GTPBP6: variants seen among roughly 807,000 people sequenced by gnomAD.
The protein encoded by GTPBP6 is putative GTP-binding protein 6.
GTPBP6 carries 33 observed loss-of-function variants against 28.9 expected under a neutral mutation model. The observed-to-expected ratio is 1.14, with a 90% CI of 0.87 to 1.53. The LOEUF (loss-of-function observed/expected upper bound fraction) is 1.53, where lower values mean the gene tolerates loss of function less well. Among genes scored for constraint, GTPBP6 ranks in the 40% most tolerant of loss-of-function variants. GTPBP6 has a pLI of 0.00. For synonymous variants in GTPBP6, 231 were observed against 192.7 expected, an observed-to-expected ratio of 1.20 and a Z score of -1.65; for missense variants, 507 against 408.3, an observed-to-expected ratio of 1.24 and a Z score of -2.08.
chrX:316,872 G>A (rs1386008952), intron 2 of GTPBP6, 42 bp downstream of exon 2: 4 of 398,632 alleles, frequency 1.0e-5, no homozygotes, highest in Non-Finnish European at 4.4e-6. Context: ...GCGGCGGACA[G>A]GAAAGGAGGT....
chrX:306,326 CAG>C (rs1490693445), intron 9 of GTPBP6, among the ~76,000 whole-genome samples: 1 of 149,400 alleles, frequency 6.7e-6, no homozygotes, highest in Admixed American at 6.7e-5. Context: ...TTTTGACTGT[CAG>C]TGCAGATTAG....
At chrX:312,635 C>G (rs780155048) in intron 6 of GTPBP6, 131 bp downstream of exon 6, 7 of 950,796 alleles carry the variant, frequency 7.4e-6, no homozygotes, top group Non-Finnish European at 1.2e-5. Flanking sequence ...AACCCCCTCT[C>G]CTGGGCACGT....
rs919321538 is a variant in GTPBP6, at chrX:306,473, TTGAG to T, written c.1427+883_1427+886del. Among the ~76,000 whole-genome samples, 437 of 123,422 alleles carry T rather than the reference TTGAG, an allele frequency of 3.5e-3. 11 individuals carry two copies. The highest frequency in any genetic ancestry group is 0.033 in the South Asian group (147 of 4,440). 81.0% of individuals were successfully genotyped at this position (123,422 alleles called of 152,430 possible). A position where few individuals can be genotyped will look rare whatever the true frequency, so the allele number is the denominator to read the frequency against. On this transcript the variant is annotated intron_variant, in intron 9 of 9. Transcript: ENST00000326153. ...TTGTATCCACAGTCAGAAATGTACA[TTGAG>T]TGTCAGCACACATTAGGCACCTGTT...
At chrX:314,192 G>C in exon 5 of GTPBP6, 2 of 1,613,426 alleles carry the variant, frequency 1.2e-6, no homozygotes, top group Non-Finnish European at 1.7e-6. Context: ...CGGTACAGGT[G>C]GGCGACGTCC....
Position 304,872 on chromosome X carries a change from C to A in GTPBP6, c.*202G>T. 2.8e-6 allele frequency: 4 copies of A among 1,435,056 alleles called. No homozygotes were observed. The South Asian group carries it at 4.6e-5, about 16-fold the overall frequency. 88.9% of individuals were successfully genotyped at this position (1,435,056 alleles called of 1,614,324 possible). A position where few individuals can be genotyped will look rare whatever the true frequency, so the allele number is the denominator to read the frequency against. On this transcript the variant is annotated 3_prime_UTR_variant, in exon 10 of 10. Transcript: ENST00000326153. Reference sequence around the variant, plus strand: ...GATGCTCAGGCTTGGAGTGGACGCTCGGGCGGCCCGCTTTGGGGCAGGTGC... The same window carrying A: ...GATGCTCAGGCTTGGAGTGGACGCTAGGGCGGCCCGCTTTGGGGCAGGTGC...
exon 6 of GTPBP6, chrX:312,773 G>A: frequency 6.2e-7 from 1 of 1,612,182 alleles, no homozygotes; most frequent in East Asian, 2.2e-5. Flanking sequence ...CACCGCAGTT[G>A]GTGTACCCCA....
At chrX:313,549 A>T (rs2070358436) in intron 5 of GTPBP6, among the ~76,000 whole-genome samples, 1 of 152,074 alleles carries the variant, frequency 6.6e-6, no homozygotes. Context: ...AATTCCCAGA[A>T]CTGGTCAATG....
intron 9 of GTPBP6, among the ~76,000 whole-genome samples, chrX:305,638 T>C (rs1431174761): frequency 6.7e-6 from 1 of 148,626 alleles, no homozygotes; most frequent in African/African-American, 2.6e-5. Context: ...TTTTATTTTT[T>C]TTTTTGAGAC....
chrX:314,755 C>T (rs1338509500), intron 4 of GTPBP6, 135 bp downstream of exon 4: 22 of 394,316 alleles, frequency 5.6e-5, no homozygotes, highest in East Asian at 3.2e-4. Context: ...GGATGACAGG[C>T]GTGAGCCACC....
intron 9 of GTPBP6, among the ~76,000 whole-genome samples, 152 bp from the exon 10 acceptor site, chrX:305,349 T>C (rs1281070411): frequency 1.4e-5 from 2 of 142,290 alleles, no homozygotes; most frequent in African/African-American, 2.9e-5. Flanking sequence ...TGAGACGGAG[T>C]CTCACTCTGT....
intron 6 of GTPBP6, chrX:312,370 G>A (rs770950787): frequency 1.9e-5 from 9 of 480,244 alleles, no homozygotes; most frequent in South Asian, 9.4e-5. Flanking sequence ...AGACAGAGGA[G>A]AGGTGATGGT....
At chrX:305,875 C>T (rs1427889692) in intron 9 of GTPBP6, among the ~76,000 whole-genome samples, 1 of 152,176 alleles carries the variant, frequency 6.6e-6, no homozygotes, top group Non-Finnish European at 1.5e-5. Context: ...CCGCCCACCT[C>T]GGCCTCCCAA....
chrX:313,737 C>G lies in GTPBP6; in HGVS notation c.757+413G>C, dbSNP rs184381675. Among the ~76,000 whole-genome samples the G allele has an allele frequency of 4.0e-5, 6 of 149,636 alleles. No homozygotes were observed. In the East Asian group the frequency reaches 1.2e-3, roughly 30 times the overall value. On this transcript the variant is annotated intron_variant, in intron 5 of 9. Coordinates refer to ENST00000326153, the Ensembl canonical transcript of GTPBP6. ...GGAGGCAGAGACTGGAGTGACGCGG[C>G]CACAAACCCAGGGATGCCTGGAGCC...
At chrX:314,588 T>A (rs2070392090) in intron 4 of GTPBP6, among the ~76,000 whole-genome samples, 1 of 151,854 alleles carries the variant, frequency 6.6e-6, no homozygotes, top group Admixed American at 6.6e-5. Context: ...TTCTCCTGCC[T>A]CAGCCTCCTG....
intron 5 of GTPBP6, 88 bp downstream of exon 5, chrX:314,062 T>C: frequency 2.0e-6 from 2 of 1,025,348 alleles, no homozygotes; most frequent in African/African-American, 1.6e-5. Flanking sequence ...CCCCACCCTG[T>C]TGGAATCTTC....
At chrX:312,537 C>T (rs190215227) in intron 6 of GTPBP6, 380 of 697,342 alleles carry the variant, frequency 5.4e-4, no homozygotes, top group African/African-American at 2.8e-3. Context: ...CTCACCTTGG[C>T]TGCTGTACCC....
At chrX:306,696 A>G (rs1168516205) in intron 9 of GTPBP6, among the ~76,000 whole-genome samples, 1 of 147,632 alleles carries the variant, frequency 6.8e-6, no homozygotes, top group Non-Finnish European at 1.5e-5. Flanking sequence ...CTGTCAGTGC[A>G]GATTAGGCAC....
intron 6 of GTPBP6, 74 bp from the exon 7 acceptor site, chrX:311,701 C>G: frequency 8.2e-7 from 1 of 1,221,154 alleles, no homozygotes. Flanking sequence ...CCAGGCCCTC[C>G]AAATGGAGAC....
intron 7 of GTPBP6, among the ~76,000 whole-genome samples, chrX:308,793 G>A (rs1240200685): frequency 6.8e-6 from 1 of 147,394 alleles, no homozygotes. Flanking sequence ...GGAGTGCAGT[G>A]GCGCGATCTC....
Sources: gnomAD v4.1 joint callset for allele counts (sites outside exome capture counted in the v4.1 genomes callset) on GRCh38, gnomAD v4.1.1 for gene constraint, MANE v1.5 for transcripts, NCBI Gene and HGNC (gene_info 2026-07-23, HGNC 2026-07-21) for gene names.